PLA2R1: variants seen among roughly 807,000 people sequenced by gnomAD.
The protein encoded by PLA2R1 is secretory phospholipase A2 receptor.
In PLA2R1, 158 loss-of-function variants were observed where a neutral mutation model predicts 195.9. That is an observed-to-expected ratio of 0.81 (90% CI 0.71 to 0.92). PLA2R1 has a LOEUF of 0.92. Ranked by LOEUF, PLA2R1 falls within the 40% of genes least tolerant of loss-of-function variation. The pLI is 0.00. For synonymous variants in PLA2R1, 586 were observed against 598.2 expected (o/e 0.98, Z 0.30); for missense variants, 1,626 against 1,764.6 (o/e 0.92, Z 1.41).
At chr2:160,055,172 A>T (rs1695456873) in intron 1 of PLA2R1, among the ~76,000 whole-genome samples, 1 of 152,202 alleles carries the variant, frequency 6.6e-6, no homozygotes. Flanking sequence ...TAGGACCAGA[A>T]AAACTGGACA....
intron 1 of PLA2R1, among the ~76,000 whole-genome samples, chr2:160,045,408 G>T (rs1223695982): frequency 1.3e-5 from 2 of 152,162 alleles, no homozygotes; most frequent in Non-Finnish European, 2.9e-5. Context: ...GGCCATATGG[G>T]AACAAGGGTT....
intron 15 of PLA2R1, 107 bp from the exon 16 acceptor site, chr2:159,976,827 A>G: frequency 2.4e-6 from 2 of 835,668 alleles, no homozygotes; most frequent in Non-Finnish European, 4.1e-6. Context: ...CTTTTAAAAC[A>G]TCACTTTAAA....
rs539907813 is a variant in PLA2R1 at position 159,950,708 on chromosome 2, T to C, written c.3540+632A>G. On this transcript the variant is annotated intron_variant, in intron 24 of 29. Transcript: ENST00000283243. ...ACAATGTACATATTCTTCCATTACATGAATATGTATGTGTATACATGGAAA... is the reference window on the plus strand; with the variant it reads ...ACAATGTACATATTCTTCCATTACACGAATATGTATGTGTATACATGGAAA... Among the ~76,000 whole-genome samples, 5 of 152,272 alleles carry C rather than the reference T, an allele frequency of 3.3e-5. 1 individual carries two copies. The South Asian group carries it at 1.0e-3, about 32-fold the overall frequency.
chr2:160,011,976 G>A (rs1248602205), intron 10 of PLA2R1, among the ~76,000 whole-genome samples: 1 of 152,122 alleles, frequency 6.6e-6, no homozygotes, highest in African/African-American at 2.4e-5. Flanking sequence ...CTGTTTGTGT[G>A]TGTGTGTATG....
chr2:159,997,809 C>A (rs937495546), intron 11 of PLA2R1, among the ~76,000 whole-genome samples: 3 of 152,094 alleles, frequency 2.0e-5, no homozygotes, highest in Non-Finnish European at 4.4e-5. Flanking sequence ...TGCGATGGAT[C>A]TAAGAAGAGT....
At chr2:159,928,507 A>G (rs547629977), downstream of PLA2R1, among the ~76,000 whole-genome samples, 50 of 152,358 alleles carry the variant, frequency 3.3e-4, no homozygotes, top group Middle Eastern at 0.01. Flanking sequence ...GAAAGCATAC[A>G]TGACACAAAC....
intron 6 of PLA2R1, among the ~76,000 whole-genome samples, chr2:160,027,083 T>G (rs1693569503): frequency 6.6e-6 from 1 of 152,192 alleles, no homozygotes; most frequent in Non-Finnish European, 1.5e-5. Context: ...TGAGCCAAGA[T>G]CGTGCCATTG....
chr2:159,974,474 T>G (rs571840477), intron 17 of PLA2R1, among the ~76,000 whole-genome samples: 1 of 152,176 alleles, frequency 6.6e-6, no homozygotes, highest in Non-Finnish European at 1.5e-5. Context: ...TAGCCAAATA[T>G]CAGCTCTTTT....
rs138333628 is a variant in PLA2R1 at position 159,988,331 on chromosome 2, A to G, written c.1835-973T>C. Among the ~76,000 whole-genome samples the G allele has an allele frequency of 2.3e-3, 348 of 152,096 alleles. 2 individuals are homozygous for G. The highest frequency in any genetic ancestry group is 7.9e-3 in the African/African-American group (327 of 41,476). Reference sequence around the variant, plus strand: ...AACAATAAAAAATTGTACATCCGCAATGTGCTCAGCTAGGCTGTATATTAA... The same window carrying G: ...AACAATAAAAAATTGTACATCCGCAGTGTGCTCAGCTAGGCTGTATATTAA... On this transcript the variant is annotated intron_variant, in intron 11 of 29. Transcript: ENST00000283243.
At chr2:160,039,740 G>T (rs1459307368) in intron 3 of PLA2R1, among the ~76,000 whole-genome samples, 3 of 152,076 alleles carry the variant, frequency 2.0e-5, no homozygotes, top group South Asian at 2.1e-4. Context: ...CATGCTCTCT[G>T]CTGGTTGTGG....
intron 18 of PLA2R1, among the ~76,000 whole-genome samples, chr2:159,969,686 G>T (rs964324688): frequency 9.9e-5 from 15 of 152,044 alleles, no homozygotes; most frequent in African/African-American, 3.4e-4. Flanking sequence ...GGGTCTACAG[G>T]TGCGCACCAC....
chr2:160,003,801 G>A (rs1380483412), intron 11 of PLA2R1, among the ~76,000 whole-genome samples: 1 of 152,096 alleles, frequency 6.6e-6, no homozygotes, highest in Non-Finnish European at 1.5e-5. Flanking sequence ...CACTTTTGTA[G>A]CAGAAATGAA....
intron 11 of PLA2R1, among the ~76,000 whole-genome samples, chr2:159,992,984 T>A (rs1282149448): frequency 1.3e-5 from 2 of 152,098 alleles, no homozygotes; most frequent in Middle Eastern, 3.2e-3. Context: ...ATTGAAAGTG[T>A]TTATTTTTCT....
intron 10 of PLA2R1, among the ~76,000 whole-genome samples, chr2:160,012,050 A>T (rs190277962): frequency 2.6e-5 from 4 of 152,172 alleles, no homozygotes; most frequent in Non-Finnish European, 4.4e-5. Flanking sequence ...TAAGAGGAGG[A>T]AGGACATACT....
At position 159,941,481 on chromosome 2, in the gene PLA2R1, C is replaced by G. The variant is rs924649530; in HGVS notation, c.*297G>C. 4.8e-6 allele frequency: 1 copy of G among 209,028 alleles called. No homozygotes were observed. Among genetic ancestry groups the G allele is most frequent in the Non-Finnish European group, 9.5e-6 (1 of 104,880 alleles). The allele number at this position is 209,028 out of a possible 1,614,324, so 12.9% of individuals were successfully genotyped here. On this transcript the variant is annotated 3_prime_UTR_variant, in exon 30 of 30. Coordinates refer to ENST00000283243, the MANE Select transcript of PLA2R1 (RefSeq NM_007366.5). ...ATACATTAATGCAAAAACTATTATT[C>G]GCATTGATTTCAGAGTTTTCAATAG...
chr2:160,013,705 CTCTCTCTCTCTCTCTCTGTGTG>C (rs1692534382), intron 9 of PLA2R1, among the ~76,000 whole-genome samples: 3 of 41,230 alleles, frequency 7.3e-5, no homozygotes, highest in Non-Finnish European at 1.5e-4. Flanking sequence ...CTCTCTCTGT[CTCTCTCTCTCTCTCTCTGTGTG>C]TGTGTGTGTG....
Position 160,045,158 on chromosome 2 carries a change from C to A in PLA2R1, c.110-1G>T. 3 of 1,584,162 alleles carry A rather than the reference C, an allele frequency of 1.9e-6. No individual in the cohort carries two copies. The highest frequency in any genetic ancestry group is 2.6e-6 in the Non-Finnish European group (3 of 1,161,822). ...CTTTGGATAACAAATATTCCTTTAT[C>A]TGAAACAAAAATCAAAGATGTGGCA... On this transcript the variant is annotated splice_acceptor_variant, in intron 1 of 29. Transcript: ENST00000283243. LOFTEE classifies it high-confidence loss of function.
intron 1 of PLA2R1, among the ~76,000 whole-genome samples, chr2:160,060,544 C>A (rs1274568530): frequency 6.6e-6 from 1 of 152,198 alleles, no homozygotes; most frequent in Non-Finnish European, 1.5e-5. Context: ...TCAGCAGCAG[C>A]ATTTTCATAT....
At position 160,032,993 on chromosome 2, in the gene PLA2R1, ACT is replaced by A; in HGVS notation, c.805_806del (p.Ser269TyrfsTer4). The A allele has an allele frequency of 6.2e-7, 1 of 1,613,318 alleles. No homozygotes were observed. The highest frequency in any genetic ancestry group is 8.5e-7 in the Non-Finnish European group (1 of 1,179,626). On this transcript the variant is annotated frameshift_variant, in exon 4 of 30. Transcript: ENST00000283243. LOFTEE classifies it high-confidence loss of function. ...SCQMQGGTLL[S>X]ITDETEENFI... ...AATTTTCTTCAGTTTCATCTGTAAT[ACT>A]TAACAGCGTACCTCCTTGCATCTGG...
Sources: allele counts gnomAD v4.1 joint callset (sites outside exome capture counted in the v4.1 genomes callset), GRCh38; gene constraint gnomAD v4.1.1; transcripts MANE v1.5; gene names NCBI Gene and HGNC (gene_info 2026-07-23, HGNC 2026-07-21).